The following CDH4 variants were observed in gnomAD, a reference collection of about 807,000 sequenced individuals.
CDH4 encodes the protein cadherin-4.
In CDH4, 33 loss-of-function variants were observed where a neutral mutation model predicts 86.0. That is an observed-to-expected ratio of 0.38 (90% CI 0.29 to 0.51). CDH4 has a LOEUF of 0.51. Among genes scored for constraint, CDH4 ranks in the 20% least tolerant of loss-of-function variants. The pLI, the probability that CDH4 is intolerant of heterozygous loss-of-function variation, is 0.86. For synonymous variants in CDH4, 555 were observed against 549.4 expected (o/e 1.01, Z -0.14); for missense variants, 1,114 against 1,307.4 (o/e 0.85, Z 2.28).
At chr20:61,436,838 G>GAGTC (rs1238144045) in intron 2 of CDH4, among the ~76,000 whole-genome samples, 1 of 152,156 alleles carries the variant, frequency 6.6e-6, no homozygotes, top group Non-Finnish European at 1.5e-5. Flanking sequence ...GGCCAACAGT[G>GAGTC]AGTCACTTCA....
chr20:61,504,954 T>A (rs2085730079), intron 2 of CDH4, among the ~76,000 whole-genome samples: 1 of 152,200 alleles, frequency 6.6e-6, no homozygotes, highest in South Asian at 2.1e-4. Flanking sequence ...AACAGCAAAG[T>A]CAGGCCACTC....
chr20:61,413,583 C>T (rs939591121), intron 2 of CDH4, among the ~76,000 whole-genome samples: 18 of 152,224 alleles, frequency 1.2e-4, no homozygotes, highest in Admixed American at 4.6e-4. Flanking sequence ...ACAACTGCCA[C>T]GCCCTGTGCG....
At chr20:61,531,170 T>C (rs2085948659) in intron 2 of CDH4, among the ~76,000 whole-genome samples, 1 of 151,842 alleles carries the variant, frequency 6.6e-6, no homozygotes, top group Non-Finnish European at 1.5e-5. Flanking sequence ...ACTTTTCTTA[T>C]CTGTAAAATG....
intron 2 of CDH4, among the ~76,000 whole-genome samples, chr20:61,405,453 C>A (rs1008843319): frequency 2.6e-5 from 4 of 151,986 alleles, no homozygotes; most frequent in Admixed American, 1.3e-4. Context: ...AAGATAAAAA[C>A]CAAAGAAACT....
At chr20:61,770,899 C>T (rs970945028) in intron 3 of CDH4, among the ~76,000 whole-genome samples, 1 of 149,852 alleles carries the variant, frequency 6.7e-6, no homozygotes, top group Non-Finnish European at 1.5e-5. Context: ...AAAAAAAACA[C>T]AGAAAGGTAA....
chr20:61,933,895 GGGGCACAGCA>G (rs890708308), intron 14 of CDH4, among the ~76,000 whole-genome samples, 151 bp from the exon 15 acceptor site: 14 of 152,324 alleles, frequency 9.2e-5, no homozygotes, highest in African/African-American at 2.9e-4. Flanking sequence ...GCATTGTGGA[GGGGCACAGCA>G]GGGGACAGCA....
At position 61,383,329 on chromosome 20, in the gene CDH4, AAT is replaced by A. The variant is rs374148660; in HGVS notation, c.169+128397_169+128398del. On this transcript the variant is annotated intron_variant, in intron 2 of 15. Coordinates refer to ENST00000614565, the MANE Select transcript of CDH4 (RefSeq NM_001794.5). Reference sequence around the variant, plus strand: ...TATATGAATATATGTGATATATATGAATATATGTGATATATATGAATATATAT... The same window carrying A: ...TATATGAATATATGTGATATATATGAATATGTGATATATATGAATATATAT... Among the ~76,000 whole-genome samples, 7 of 79,862 alleles carry A rather than the reference AAT, an allele frequency of 8.8e-5. 2 individuals carry two copies. Among genetic ancestry groups the A allele is most frequent in the African/African-American group, 4.3e-4 (7 of 16,292 alleles). The allele number at this position is 79,862 out of a possible 152,430, so 52.4% of individuals were successfully genotyped here. A position where few individuals can be genotyped will look rare whatever the true frequency, so the allele number is the denominator to read the frequency against.
intron 4 of CDH4, among the ~76,000 whole-genome samples, chr20:61,795,325 A>G (rs1456233726): frequency 1.3e-5 from 2 of 151,910 alleles, no homozygotes; most frequent in African/African-American, 2.4e-5. Flanking sequence ...TCTTCACCAT[A>G]GTATCCTGAG....
chr20:61,752,372 T>C (rs1049688651), intron 3 of CDH4, among the ~76,000 whole-genome samples: 1 of 140,696 alleles, frequency 7.1e-6, no homozygotes, highest in Non-Finnish European at 1.6e-5. Flanking sequence ...CATCAAAACA[T>C]ATATCTTAAA....
At chr20:61,745,829 C>A (rs189219441) in intron 3 of CDH4, among the ~76,000 whole-genome samples, 1 of 152,316 alleles carries the variant, frequency 6.6e-6, no homozygotes, top group East Asian at 1.9e-4. Flanking sequence ...CCCTGAGAGC[C>A]TTCCAAGGCC....
chr20:61,692,474 C>T (rs969297923), intron 2 of CDH4, among the ~76,000 whole-genome samples: 5 of 152,202 alleles, frequency 3.3e-5, no homozygotes, highest in African/African-American at 1.2e-4. Flanking sequence ...TGACATAAGA[C>T]TAATCTCCCT....
intron 4 of CDH4, among the ~76,000 whole-genome samples, chr20:61,821,335 A>C (rs1018124931): frequency 1.4e-3 from 34 of 24,812 alleles, no homozygotes; most frequent in Middle Eastern, 0.025. Context: ...CACAGCCCCC[A>C]CCCCAGCCCA....
chr20:61,323,790 A>G (rs527481444), intron 2 of CDH4, among the ~76,000 whole-genome samples: 17 of 152,166 alleles, frequency 1.1e-4, no homozygotes, highest in Admixed American at 2.0e-4. Context: ...CCTTTAGTAC[A>G]TGCAAAATGG....
chr20:61,868,387 C>A (rs1055878218), intron 6 of CDH4, among the ~76,000 whole-genome samples: 1 of 152,114 alleles, frequency 6.6e-6, no homozygotes, highest in Non-Finnish European at 1.5e-5. Context: ...CTGGTTCCTG[C>A]CGCAGAGGCC....
At chr20:61,487,191 A>C (rs2085601467) in intron 2 of CDH4, among the ~76,000 whole-genome samples, 1 of 152,212 alleles carries the variant, frequency 6.6e-6, no homozygotes, top group Non-Finnish European at 1.5e-5. Flanking sequence ...ACCATTTGTG[A>C]AAAAGATAAT....
intron 2 of CDH4, among the ~76,000 whole-genome samples, chr20:61,632,599 A>AC (rs1447897849): frequency 1.4e-4 from 21 of 150,496 alleles, no homozygotes; most frequent in African/African-American, 5.1e-4. Flanking sequence ...TCTACCCTCC[A>AC]CCCACTCCAC....
intron 4 of CDH4, among the ~76,000 whole-genome samples, chr20:61,833,779 C>T (rs1468507383): frequency 1.3e-5 from 2 of 152,092 alleles, no homozygotes; most frequent in East Asian, 1.9e-4. Flanking sequence ...ACTGCAGATC[C>T]TCAGTTACCA....
rs1224520599 is a variant in CDH4 at position 61,252,360 on chromosome 20, G to C, written c.-154G>C. ...CTCCCGGAGCCGGGGCGGCGAGCGC[G>C]GCGGGCGCAGCGGGGCTGGAGGCTC... On this transcript the variant is annotated 5_prime_UTR_variant, in exon 1 of 16. Transcript: ENST00000614565. This position sits in a 1 kb window ranked among gnomAD's most constrained non-coding sequence, Gnocchi z 4.4. 3 of 194,058 alleles carry C rather than the reference G, an allele frequency of 1.5e-5. No homozygotes were observed. Among genetic ancestry groups the C allele is most frequent in the African/African-American group, 2.4e-5 (1 of 41,700 alleles). 12.0% of individuals were successfully genotyped at this position (194,058 alleles called of 1,614,324 possible).
At chr20:61,638,695 G>T (rs866325424) in intron 2 of CDH4, among the ~76,000 whole-genome samples, 1 of 152,226 alleles carries the variant, frequency 6.6e-6, no homozygotes. Context: ...CACATTGTGA[G>T]TTAAATCCTT....
Sources: allele counts gnomAD v4.1 joint callset (sites outside exome capture counted in the v4.1 genomes callset), GRCh38; gene constraint gnomAD v4.1.1; non-coding constraint Gnocchi (gnomAD v3.1); transcripts MANE v1.5; gene names NCBI Gene and HGNC (gene_info 2026-07-23, HGNC 2026-07-21).